Variants in ASTN2 observed in about 807,000 individuals in gnomAD.
ASTN2 encodes astrotactin 2.
Under a neutral mutation model 139.8 loss-of-function variants are expected in ASTN2, and 54 were observed. The observed-to-expected ratio is 0.39, with a 90% CI of 0.31 to 0.48. ASTN2 has a LOEUF of 0.48. Among genes scored for constraint, ASTN2 ranks in the 20% least tolerant of loss-of-function variants. The pLI is 0.95. For missense variants in ASTN2, 1,565 were observed against 1,725.1 expected, an observed-to-expected ratio of 0.91 and a Z score of 1.64; for synonymous variants, 756 against 719.5, an observed-to-expected ratio of 1.05 and a Z score of -0.81.
intron 10 of ASTN2, among the ~76,000 whole-genome samples, chr9:116,900,338 T>G (rs1833976112): frequency 6.6e-6 from 1 of 152,116 alleles, no homozygotes; most frequent in Non-Finnish European, 1.5e-5. Flanking sequence ...ACATCAAGAT[T>G]CAGAGAGTGT....
chr9:116,590,779 T>G (rs1854347046), intron 19 of ASTN2, among the ~76,000 whole-genome samples: 1 of 152,138 alleles, frequency 6.6e-6, no homozygotes, highest in Non-Finnish European at 1.5e-5. Context: ...CAGATAGATG[T>G]CAGGACTATC....
chr9:116,430,784 G>A (rs1311316252), intron 22 of ASTN2, among the ~76,000 whole-genome samples: 1 of 152,236 alleles, frequency 6.6e-6, no homozygotes, highest in Non-Finnish European at 1.5e-5. Context: ...GTAAAGCCAT[G>A]GAGAGAAGGG....
intron 22 of ASTN2, among the ~76,000 whole-genome samples, chr9:116,427,571 C>T (rs1685300682): frequency 6.6e-6 from 1 of 152,234 alleles, no homozygotes; most frequent in Non-Finnish European, 1.5e-5. Flanking sequence ...GCTGTCCTCT[C>T]CATGTCCCTC....
rs957932077 is a variant in ASTN2 at position 116,446,267 on chromosome 9, A to G, written c.3498-3714T>C. Among the ~76,000 whole-genome samples the G allele has an allele frequency of 3.9e-5, 3 of 77,148 alleles. No individual in the cohort carries two copies. In the South Asian group the frequency reaches 1.6e-3, roughly 41 times the overall value. 50.6% of individuals were successfully genotyped at this position (77,148 alleles called of 152,430 possible). On this transcript the variant is annotated intron_variant, in intron 20 of 22. Transcript: ENST00000313400. ...ACAGAGGGGAGAGGGAGAGAGAGAGAGAGATAGAGAGAGAGAGAGAGAGAG... is the reference window on the plus strand; with the variant it reads ...ACAGAGGGGAGAGGGAGAGAGAGAGGGAGATAGAGAGAGAGAGAGAGAGAG...
chr9:116,820,392 A>T (rs943389862), intron 12 of ASTN2, among the ~76,000 whole-genome samples: 2 of 152,184 alleles, frequency 1.3e-5, no homozygotes, highest in Admixed American at 1.3e-4. Flanking sequence ...TATTTATTAC[A>T]TTTATTAACC....
chr9:117,224,361 G>T (rs532434644), intron 2 of ASTN2, among the ~76,000 whole-genome samples: 1 of 152,234 alleles, frequency 6.6e-6, no homozygotes, highest in Non-Finnish European at 1.5e-5. Context: ...TGCAAGTAGT[G>T]GATCTTTATT....
chr9:116,729,267 A>T (rs1243692875), intron 14 of ASTN2, among the ~76,000 whole-genome samples, 171 bp from the exon 15 acceptor site: 1 of 152,026 alleles, frequency 6.6e-6, no homozygotes, highest in Admixed American at 6.5e-5. Flanking sequence ...CTGGTCTCTA[A>T]TCTCAGCCCT....
chr9:116,883,531 T>G (rs1399971061), intron 10 of ASTN2, among the ~76,000 whole-genome samples: 1 of 152,188 alleles, frequency 6.6e-6, no homozygotes, highest in Non-Finnish European at 1.5e-5. Context: ...TCTTGTAGAT[T>G]TTTGAGTTAA....
intron 3 of ASTN2, among the ~76,000 whole-genome samples, chr9:117,151,100 G>A (rs66550074): frequency 0.25 from 38,232 of 151,816 alleles, 4,873 homozygotes; most frequent in Middle Eastern, 0.39. Flanking sequence ...TTGGCTCAAG[G>A]GGTCCTCCCA....
intron 1 of ASTN2, among the ~76,000 whole-genome samples, chr9:117,404,385 C>G (rs897914966): frequency 5.9e-5 from 9 of 152,262 alleles, no homozygotes; most frequent in African/African-American, 2.2e-4. Flanking sequence ...GAGCTAGAGA[C>G]TTGGTTGTGC....
At chr9:116,925,876 A>ACACT (rs1564343722) in intron 10 of ASTN2, among the ~76,000 whole-genome samples, 1 of 151,988 alleles carries the variant, frequency 6.6e-6, no homozygotes, top group Non-Finnish European at 1.5e-5. Context: ...ACACACACAC[A>ACACT]CACACACACA....
intron 19 of ASTN2, among the ~76,000 whole-genome samples, chr9:116,533,804 A>G (rs895144323): frequency 6.6e-6 from 1 of 152,026 alleles, no homozygotes; most frequent in Non-Finnish European, 1.5e-5. Flanking sequence ...TTCATCAGGG[A>G]TATTGGTCTA....
chr9:116,740,627 C>T (rs1414954026), intron 13 of ASTN2, among the ~76,000 whole-genome samples: 3 of 151,986 alleles, frequency 2.0e-5, no homozygotes, highest in Non-Finnish European at 4.4e-5. Flanking sequence ...ATTCTCCTGC[C>T]TCAGCCTCCC....
intron 17 of ASTN2, among the ~76,000 whole-genome samples, chr9:116,629,167 G>C (rs1241045569): frequency 6.8e-6 from 1 of 147,092 alleles, no homozygotes; most frequent in East Asian, 2.0e-4. Context: ...GCCCAGGCTG[G>C]AGTGCAGTGG....
At chr9:116,997,237 G>T (rs1837051977) in intron 7 of ASTN2, among the ~76,000 whole-genome samples, 1 of 152,126 alleles carries the variant, frequency 6.6e-6, no homozygotes, top group African/African-American at 2.4e-5. Flanking sequence ...CAGGCCTGGT[G>T]CTTGCTTTGC....
intron 3 of ASTN2, among the ~76,000 whole-genome samples, chr9:117,186,562 T>A (rs975851085): frequency 1.3e-5 from 2 of 150,902 alleles, no homozygotes; most frequent in African/African-American, 2.4e-5. Context: ...AATAAATAAA[T>A]AAAATAAAAT....
At chr9:116,892,630 A>AGG (rs1327802029) in intron 10 of ASTN2, among the ~76,000 whole-genome samples, 2 of 152,138 alleles carry the variant, frequency 1.3e-5, no homozygotes, top group Non-Finnish European at 2.9e-5. Context: ...TGCTGCTGGA[A>AGG]GGCATTTGGA....
At chr9:117,318,624 G>C (rs1388565954) in intron 1 of ASTN2, among the ~76,000 whole-genome samples, 1 of 152,112 alleles carries the variant, frequency 6.6e-6, no homozygotes, top group African/African-American at 2.4e-5. Flanking sequence ...TGCCCAGCTT[G>C]ACACTCTCAC....
At chr9:116,998,727 G>T (rs1837095498) in intron 7 of ASTN2, among the ~76,000 whole-genome samples, 1 of 152,156 alleles carries the variant, frequency 6.6e-6, no homozygotes, top group Non-Finnish European at 1.5e-5. Flanking sequence ...TCTACAGTCT[G>T]CCAGAAAGTT....
Sources: gnomAD v4.1 joint callset for allele counts (sites outside exome capture counted in the v4.1 genomes callset) on GRCh38, gnomAD v4.1.1 for gene constraint, MANE v1.5 for transcripts, NCBI Gene and HGNC (gene_info 2026-07-23, HGNC 2026-07-21) for gene names.